The following PKHD1 variants were observed in gnomAD, a reference collection of about 807,000 sequenced individuals.
The protein encoded by PKHD1 is PKHD1 ciliary IPT domain containing fibrocystin/polyductin.
Under a neutral mutation model 412.0 loss-of-function variants are expected in PKHD1, and 291 were observed. That is an observed-to-expected ratio of 0.71 (90% CI 0.64 to 0.78). PKHD1 has a LOEUF of 0.78. PKHD1 is among the 30% of genes least tolerant of loss of function. The probability of loss-of-function intolerance (pLI) is 0.00; values close to 1 mark genes in which losing one functional copy is unlikely to be tolerated. For synonymous variants in PKHD1, 1,777 were observed against 1,821.5 expected, an observed-to-expected ratio of 0.98 and a Z score of 0.62; for missense variants, 4,825 against 4,950.7, an observed-to-expected ratio of 0.97 and a Z score of 0.76.
chr6:51,805,929 A>C (rs1265168281), intron 52 of PKHD1, among the ~76,000 whole-genome samples: 1 of 152,162 alleles, frequency 6.6e-6, no homozygotes, highest in Non-Finnish European at 1.5e-5. Context: ...TGCTATTGTG[A>C]ATAGTGCCAC....
At chr6:51,679,593 G>A (rs1776351452) in intron 60 of PKHD1, among the ~76,000 whole-genome samples, 1 of 151,910 alleles carries the variant, frequency 6.6e-6, no homozygotes, top group Non-Finnish European at 1.5e-5. Flanking sequence ...ATCTTTTCAA[G>A]GCAAGAGTGT....
At chr6:51,744,173 A>G (rs928555941) in intron 60 of PKHD1, among the ~76,000 whole-genome samples, 3 of 151,742 alleles carry the variant, frequency 2.0e-5, no homozygotes, top group Non-Finnish European at 2.9e-5. Context: ...GACACAGGCA[A>G]TCTCATAGAG....
At chr6:51,822,214 C>A (rs1288452744) in intron 52 of PKHD1, among the ~76,000 whole-genome samples, 2 of 152,110 alleles carry the variant, frequency 1.3e-5, no homozygotes, top group Non-Finnish European at 2.9e-5. Context: ...ATATGGGTAT[C>A]CTTGAAGACA....
intron 63 of PKHD1, among the ~76,000 whole-genome samples, chr6:51,643,401 A>C (rs945103516): frequency 6.6e-6 from 1 of 152,144 alleles, no homozygotes; most frequent in Non-Finnish European, 1.5e-5. Flanking sequence ...AAATAAAAAA[A>C]AAAATGACCA....
At chr6:52,020,299 C>T (rs2128134347) in intron 33 of PKHD1, among the ~76,000 whole-genome samples, 1 of 152,274 alleles carries the variant, frequency 6.6e-6, no homozygotes, top group Admixed American at 6.5e-5. Flanking sequence ...CAGTAGGTAA[C>T]AGAAAGCTTA....
intron 52 of PKHD1, among the ~76,000 whole-genome samples, chr6:51,807,523 A>G (rs1221929985): frequency 1.3e-4 from 14 of 106,900 alleles, no homozygotes; most frequent in South Asian, 5.4e-4. Context: ...GTGTGTGTGT[A>G]TCCATCTATA....
At position 51,981,319 on chromosome 6, in the gene PKHD1, C is replaced by G. The variant is rs1439717168; in HGVS notation, c.5752-21293G>C. ...AGGCTCCAAAGCTCAAGCTCTCCCT[C>G]TCCCTCTCCCTCTCCCTCTCCCTCT... On this transcript the variant is annotated intron_variant, in intron 35 of 66. Coordinates refer to ENST00000371117, the MANE Select transcript of PKHD1 (RefSeq NM_138694.4). 3.7e-4 allele frequency among the ~76,000 whole-genome samples: 5 copies of G among 13,366 alleles called. 1 individual carries two copies. The highest frequency in any genetic ancestry group is 1.2e-3 in the Admixed American group (2 of 1,712). The allele number at this position is 13,366 out of a possible 152,430, so 8.8% of individuals were successfully genotyped here.
chr6:52,000,147 T>C (rs185591814), intron 35 of PKHD1, among the ~76,000 whole-genome samples: 2 of 152,358 alleles, frequency 1.3e-5, no homozygotes, highest in African/African-American at 4.8e-5. Context: ...CACATTCTGT[T>C]ACTAAGGACT....
At position 52,027,905 on chromosome 6, in the gene PKHD1, G is replaced by A. The variant is rs374850251; in HGVS notation, c.3561-9C>T. Reference sequence around the variant, plus strand: ...GGATGTGGAGATCAACCCTACAGAAGATAGGCAGATGTTTAGGAAATAACT... The same window carrying A: ...GGATGTGGAGATCAACCCTACAGAAAATAGGCAGATGTTTAGGAAATAACT... On this transcript the variant is annotated splice_polypyrimidine_tract_variant and intron_variant, in intron 30 of 66. Transcript: ENST00000371117. 5 of 1,603,484 alleles carry A rather than the reference G, an allele frequency of 3.1e-6. No individual in the cohort carries two copies. The African/African-American group carries it at 5.4e-5, about 17-fold the overall frequency.
chr6:51,688,669 C>T (rs1334184682), intron 60 of PKHD1, among the ~76,000 whole-genome samples: 1 of 152,092 alleles, frequency 6.6e-6, no homozygotes, highest in East Asian at 1.9e-4. Context: ...ACGGACCCCA[C>T]AGATATACAA....
At chr6:51,985,555 C>T (rs1796097472) in intron 35 of PKHD1, among the ~76,000 whole-genome samples, 1 of 152,108 alleles carries the variant, frequency 6.6e-6, no homozygotes, top group Non-Finnish European at 1.5e-5. Flanking sequence ...GTGGCAAAAC[C>T]CTGTCTGTAC....
chr6:51,914,679 A>G (rs1338430263), intron 37 of PKHD1, among the ~76,000 whole-genome samples: 4 of 151,950 alleles, frequency 2.6e-5, no homozygotes, highest in East Asian at 1.9e-4. Flanking sequence ...CAAAGTCTCA[A>G]ATTTGCTGCT....
chr6:52,081,780 C>T (rs1429547267), intron 4 of PKHD1, among the ~76,000 whole-genome samples: 4 of 152,038 alleles, frequency 2.6e-5, no homozygotes. Flanking sequence ...AAAGAGAGAA[C>T]AGAAAAGAAA....
chr6:51,644,880 A>C (rs879657728), intron 63 of PKHD1, among the ~76,000 whole-genome samples: 1 of 152,138 alleles, frequency 6.6e-6, no homozygotes, highest in African/African-American at 2.4e-5. Context: ...GGGTTTTACC[A>C]TGTTGGCCAG....
At chr6:52,057,655 T>G (rs1312859204) in intron 16 of PKHD1, among the ~76,000 whole-genome samples, 1 of 152,218 alleles carries the variant, frequency 6.6e-6, no homozygotes, top group Non-Finnish European at 1.5e-5. Flanking sequence ...GACCTTGTGA[T>G]CAGCCCGCCT....
chr6:51,832,455 C>A (rs1312209110), intron 51 of PKHD1, among the ~76,000 whole-genome samples: 2 of 151,908 alleles, frequency 1.3e-5, no homozygotes, highest in Admixed American at 6.6e-5. Context: ...AGGTAAGTGA[C>A]AAGGTTGGTA....
chr6:51,842,637 T>C (rs1770423805), intron 50 of PKHD1, among the ~76,000 whole-genome samples: 1 of 152,150 alleles, frequency 6.6e-6, no homozygotes, highest in Non-Finnish European at 1.5e-5. Context: ...GCAAGTCCTA[T>C]TCTATTTCTA....
chr6:51,788,658 A>G (rs1247347310), intron 53 of PKHD1, among the ~76,000 whole-genome samples: 1 of 151,972 alleles, frequency 6.6e-6, no homozygotes, highest in East Asian at 1.9e-4. Flanking sequence ...TCTTTTCTCA[A>G]TCCTTTATGG....
In PKHD1 at chr6:51,855,070, C is replaced by T. The variant is rs114505567; in HGVS notation, c.7911+823G>A. On this transcript the variant is annotated intron_variant, in intron 49 of 66. Coordinates refer to ENST00000371117, the MANE Select transcript of PKHD1 (RefSeq NM_138694.4). ...GTGTGGGTTCGCGAGTGGGATCTTC[C>T]GACCCATGGGTTGCACAATTCCGTG... Among the ~76,000 whole-genome samples the T allele has an allele frequency of 1.3e-3, 194 of 152,302 alleles. 1 individual carries two copies. The highest frequency in any genetic ancestry group is 0.01 in the Middle Eastern group (3 of 294).
Sources: allele counts gnomAD v4.1 joint callset (sites outside exome capture counted in the v4.1 genomes callset), GRCh38; gene constraint gnomAD v4.1.1; transcripts MANE v1.5; gene names NCBI Gene and HGNC (gene_info 2026-07-23, HGNC 2026-07-21).